The following ADGRG6 variants were observed in gnomAD, a reference collection of about 807,000 sequenced individuals.
The protein encoded by ADGRG6 is G-protein coupled receptor 126.
Under a neutral mutation model 142.4 loss-of-function variants are expected in ADGRG6, and 84 were observed. The observed-to-expected ratio is 0.59, with a 90% confidence interval of 0.49 to 0.71. The LOEUF (loss-of-function observed/expected upper bound fraction) is 0.71. ADGRG6 is among the 30% of genes least tolerant of loss of function. The pLI, the probability that ADGRG6 is intolerant of heterozygous loss-of-function variation, is 0.00. For missense variants in ADGRG6, 1,367 were observed against 1,466.6 expected (o/e 0.93, Z 1.11); for synonymous variants, 521 against 520.5 (o/e 1.00, Z -0.01).
At chr6:142,402,489 G>T (rs751512253) in intron 12 of ADGRG6, 131 bp from the exon 13 acceptor site, 10 of 607,082 alleles carry the variant, frequency 1.6e-5, no homozygotes, top group Non-Finnish European at 2.4e-5. Context: ...ATGGGGATGA[G>T]GTATACACAG....
chr6:142,303,893 C>T (rs946546636), intron 1 of ADGRG6, among the ~76,000 whole-genome samples: 2 of 151,950 alleles, frequency 1.3e-5, no homozygotes, highest in Admixed American at 6.5e-5. Flanking sequence ...TTGAATTCTT[C>T]GTGATTAAAA....
Position 142,416,081 on chromosome 6 carries a change from T to A in ADGRG6, c.2938+17T>A. 1.3e-6 allele frequency: 2 copies of A among 1,581,366 alleles called. No individual in the cohort carries two copies. Among genetic ancestry groups the A allele is most frequent in the Admixed American group, 1.8e-5 (1 of 55,298 alleles). ...TTGGCTGGGGTAAGCCTCTTAAAAT[T>A]TTTTTGGTTTTGTTTTTCCCTCATG... On this transcript the variant is annotated intron_variant, in intron 20 of 24. Coordinates refer to ENST00000367609, the MANE Select transcript of ADGRG6 (RefSeq NM_198569.3).
rs1273995790 is a variant in ADGRG6 at position 142,437,556 on chromosome 6, T to G, written c.3421+21T>G. ...CTCAGGTAAAGAGTTGTTGATTAAATTTTACATCTACAAGTAGATGGGAAA... is the reference window on the plus strand; with the variant it reads ...CTCAGGTAAAGAGTTGTTGATTAAAGTTTACATCTACAAGTAGATGGGAAA... On this transcript the variant is annotated intron_variant, in intron 23 of 24. Transcript: ENST00000367609. 3 of 1,082,442 alleles carry G rather than the reference T, an allele frequency of 2.8e-6. No homozygotes were observed. The South Asian group carries it at 3.7e-5, about 13-fold the overall frequency. 67.1% of individuals were successfully genotyped at this position (1,082,442 alleles called of 1,614,324 possible).
At chr6:142,343,967 T>A (rs1338729851) in intron 2 of ADGRG6, among the ~76,000 whole-genome samples, 1 of 151,976 alleles carries the variant, frequency 6.6e-6, no homozygotes, top group Non-Finnish European at 1.5e-5. Context: ...TCCTGTTTCC[T>A]AAGCTTATCT....
intron 4 of ADGRG6, among the ~76,000 whole-genome samples, chr6:142,377,319 T>C (rs1781548090): frequency 6.6e-6 from 1 of 152,142 alleles, no homozygotes; most frequent in African/African-American, 2.4e-5. Flanking sequence ...CCTCACTGAT[T>C]GATTCCCAGG....
intron 2 of ADGRG6, among the ~76,000 whole-genome samples, chr6:142,339,766 C>T (rs1263964355): frequency 6.6e-6 from 1 of 152,112 alleles, no homozygotes; most frequent in Non-Finnish European, 1.5e-5. Flanking sequence ...CCTTCTTAGC[C>T]TTTTAATTGC....
intron 2 of ADGRG6, among the ~76,000 whole-genome samples, chr6:142,313,193 TA>T (rs1048067314): frequency 1.3e-5 from 2 of 152,136 alleles, no homozygotes; most frequent in African/African-American, 4.8e-5. Flanking sequence ...AAAAGCCACA[TA>T]AAAATGACCA....
At chr6:142,316,566 A>G (rs1398197421) in intron 2 of ADGRG6, among the ~76,000 whole-genome samples, 4 of 152,192 alleles carry the variant, frequency 2.6e-5, no homozygotes, top group African/African-American at 9.6e-5. Flanking sequence ...TTATACACAC[A>G]GTTCCTTTCT....
intron 24 of ADGRG6, chr6:142,440,923 A>C (rs748297713): frequency 2.1e-5 from 32 of 1,489,158 alleles, no homozygotes; most frequent in Non-Finnish European, 2.8e-5. Flanking sequence ...GTCTCCTATG[A>C]GCATTCCTTC....
intron 6 of ADGRG6, among the ~76,000 whole-genome samples, chr6:142,384,807 C>T (rs978153010): frequency 6.6e-6 from 1 of 152,062 alleles, no homozygotes; most frequent in Non-Finnish European, 1.5e-5. Flanking sequence ...CATCAATTTC[C>T]TCTGTAGGAC....
chr6:142,423,016 G>A (rs1451991361), intron 22 of ADGRG6, among the ~76,000 whole-genome samples: 1 of 151,916 alleles, frequency 6.6e-6, no homozygotes, highest in East Asian at 1.9e-4. Context: ...GGGGTTGTTT[G>A]TTTTTTTCTT....
At chr6:142,436,242 AT>A (rs1410534316) in intron 22 of ADGRG6, among the ~76,000 whole-genome samples, 1 of 152,192 alleles carries the variant, frequency 6.6e-6, no homozygotes, top group African/African-American at 2.4e-5. Flanking sequence ...GGACCAAGTC[AT>A]GGACATGTAA....
intron 2 of ADGRG6, among the ~76,000 whole-genome samples, chr6:142,355,657 T>G (rs2114796782): frequency 6.6e-6 from 1 of 152,200 alleles, no homozygotes; most frequent in Middle Eastern, 3.4e-3. Context: ...GCTTCTATTT[T>G]TAGGTCTGTG....
chr6:142,309,033 A>G lies in ADGRG6; in HGVS notation c.3-511A>G, dbSNP rs546679811. On this transcript the variant is annotated intron_variant, in intron 1 of 24. Coordinates refer to ENST00000367609, the MANE Select transcript of ADGRG6 (RefSeq NM_198569.3). ...CCTTTTTTGGAATGTTAATGCTTCA[A>G]TGTATCACTTTAGGGGATAGAACAG... 1.9e-4 allele frequency among the ~76,000 whole-genome samples: 29 copies of G among 151,926 alleles called. No homozygotes were observed. In the South Asian group the frequency reaches 3.9e-3, roughly 21 times the overall value.
chr6:142,390,088 T>A (rs117822305), intron 6 of ADGRG6, among the ~76,000 whole-genome samples, 170 bp from the exon 7 acceptor site: 3 of 151,796 alleles, frequency 2.0e-5, no homozygotes, highest in African/African-American at 7.2e-5. Context: ...ATTTCAGAAC[T>A]TTTTTTGCCT....
chr6:142,349,268 T>G (rs73578363), intron 2 of ADGRG6, among the ~76,000 whole-genome samples: 2,313 of 152,206 alleles, frequency 0.015, 56 homozygotes, highest in African/African-American at 0.052. Flanking sequence ...ATGCAGGGGG[T>G]TGGTCAGGGA....
At chr6:142,349,121 G>A (rs1185803020) in intron 2 of ADGRG6, among the ~76,000 whole-genome samples, 1 of 152,220 alleles carries the variant, frequency 6.6e-6, no homozygotes, top group Non-Finnish European at 1.5e-5. Flanking sequence ...TGTTTTCACT[G>A]TATCACTGCA....
chr6:142,324,612 A>G (rs1000655109), intron 2 of ADGRG6, among the ~76,000 whole-genome samples: 2 of 152,058 alleles, frequency 1.3e-5, no homozygotes, highest in Middle Eastern at 3.2e-3. Flanking sequence ...TTTCGTCTTA[A>G]TTATCAGGTA....
chr6:142,391,461 AC>A (rs1774893617), intron 7 of ADGRG6, among the ~76,000 whole-genome samples: 5 of 151,382 alleles, frequency 3.3e-5, no homozygotes, highest in Non-Finnish European at 7.4e-5. Context: ...ACACACACAC[AC>A]ACACACACAC....
Sources: allele counts gnomAD v4.1 joint callset (sites outside exome capture counted in the v4.1 genomes callset), GRCh38; gene constraint gnomAD v4.1.1; transcripts MANE v1.5; gene names NCBI Gene and HGNC (gene_info 2026-07-23, HGNC 2026-07-21).